CDKAL1: variants seen among roughly 807,000 people sequenced by gnomAD.
CDKAL1 encodes the protein CDKAL1 threonylcarbamoyladenosine tRNA methylthiotransferase.
Under a neutral mutation model 68.2 loss-of-function variants are expected in CDKAL1, and 32 were observed. That is an observed-to-expected ratio of 0.47 (90% CI 0.35 to 0.63). The LOEUF is 0.63. Among genes scored for constraint, CDKAL1 ranks in the 30% least tolerant of loss-of-function variants. The pLI is 0.00. For synonymous variants in CDKAL1, 234 were observed against 244.3 expected (o/e 0.96, Z 0.39); for missense variants, 606 against 696.7 (o/e 0.87, Z 1.47).
At chr6:21,140,911 A>T (rs951118968) in intron 13 of CDKAL1, among the ~76,000 whole-genome samples, 1 of 152,298 alleles carries the variant, frequency 6.6e-6, no homozygotes. Flanking sequence ...CACTTCTTAC[A>T]TGGCGGCGCC....
intron 13 of CDKAL1, among the ~76,000 whole-genome samples, chr6:21,115,259 G>A (rs987688758): frequency 1.3e-5 from 2 of 152,204 alleles, no homozygotes; most frequent in Non-Finnish European, 2.9e-5. Flanking sequence ...TCAATCCTGA[G>A]AGCCACGGTA....
intron 5 of CDKAL1, among the ~76,000 whole-genome samples, chr6:20,671,400 G>T (rs1473736432): frequency 1.3e-5 from 2 of 152,124 alleles, no homozygotes; most frequent in Admixed American, 6.5e-5. Context: ...TATGTCACAG[G>T]CATATTCTCC....
chr6:20,918,687 G>T (rs149770075), intron 9 of CDKAL1, among the ~76,000 whole-genome samples: 1 of 152,194 alleles, frequency 6.6e-6, no homozygotes, highest in Non-Finnish European at 1.5e-5. Context: ...TTTTAGGCTG[G>T]AGTTGATAAT....
At chr6:20,858,040 G>T (rs772778160) in intron 9 of CDKAL1, among the ~76,000 whole-genome samples, 24 of 152,102 alleles carry the variant, frequency 1.6e-4, no homozygotes, top group Non-Finnish European at 2.9e-4. Context: ...TATATTTTTA[G>T]TAGAGATGGG....
chr6:20,543,801 A>T (rs554198129), intron 2 of CDKAL1, among the ~76,000 whole-genome samples: 1 of 146,328 alleles, frequency 6.8e-6, no homozygotes, highest in Non-Finnish European at 1.5e-5. Flanking sequence ...CAGTGGTACA[A>T]TCTTGGCTTA....
intron 15 of CDKAL1, among the ~76,000 whole-genome samples, chr6:21,206,515 C>T (rs1778944250): frequency 6.6e-6 from 1 of 152,108 alleles, no homozygotes; most frequent in Non-Finnish European, 1.5e-5. Flanking sequence ...GAAGTCAGAA[C>T]TATTCTTTGC....
intron 11 of CDKAL1, among the ~76,000 whole-genome samples, chr6:21,046,757 C>T (rs2150904675): frequency 6.6e-6 from 1 of 152,372 alleles, no homozygotes; most frequent in South Asian, 2.1e-4. Flanking sequence ...CCTGCCACCT[C>T]CCTGCCACAG....
chr6:21,112,711 T>G (rs1774184282), intron 13 of CDKAL1, among the ~76,000 whole-genome samples: 1 of 152,368 alleles, frequency 6.6e-6, no homozygotes, highest in Admixed American at 6.5e-5. Context: ...TATGTATTTA[T>G]GCACTTGATA....
At chr6:20,824,709 C>T (rs1206013836) in intron 8 of CDKAL1, among the ~76,000 whole-genome samples, 1 of 152,138 alleles carries the variant, frequency 6.6e-6, no homozygotes, top group Non-Finnish European at 1.5e-5. Flanking sequence ...TTTTACCATA[C>T]TTAACTGGTT....
chr6:21,212,065 G>A (rs1779172289), intron 15 of CDKAL1, among the ~76,000 whole-genome samples: 2 of 152,158 alleles, frequency 1.3e-5, no homozygotes, highest in Non-Finnish European at 2.9e-5. Flanking sequence ...CTGGCTACAT[G>A]TGGGAAAGTT....
At chr6:20,666,858 C>T (rs1279003036) in intron 5 of CDKAL1, among the ~76,000 whole-genome samples, 2 of 152,058 alleles carry the variant, frequency 1.3e-5, no homozygotes, top group Admixed American at 6.6e-5. Context: ...TTTAGCTCTT[C>T]TAGTATCATC....
At chr6:20,973,568 A>G (rs1335924309) in intron 10 of CDKAL1, among the ~76,000 whole-genome samples, 1 of 152,194 alleles carries the variant, frequency 6.6e-6, no homozygotes, top group African/African-American at 2.4e-5. Flanking sequence ...CCATCCTGCC[A>G]GGTGATCCAA....
At chr6:20,827,036 A>T (rs1253308111) in intron 8 of CDKAL1, among the ~76,000 whole-genome samples, 1 of 152,204 alleles carries the variant, frequency 6.6e-6, no homozygotes, top group Non-Finnish European at 1.5e-5. Flanking sequence ...AAAACCAACA[A>T]TACTATGATC....
intron 15 of CDKAL1, among the ~76,000 whole-genome samples, chr6:21,204,737 A>T (rs1778829215): frequency 6.6e-6 from 1 of 152,226 alleles, no homozygotes; most frequent in Non-Finnish European, 1.5e-5. Context: ...GAGGGAAGCC[A>T]GGATTTATAT....
chr6:20,953,451 T>C (rs1764634297), intron 9 of CDKAL1, among the ~76,000 whole-genome samples: 1 of 152,226 alleles, frequency 6.6e-6, no homozygotes, highest in African/African-American at 2.4e-5. Context: ...CATATTGTGT[T>C]GCTCAAATGC....
chr6:20,875,514 A>G (rs1054006399), intron 9 of CDKAL1, among the ~76,000 whole-genome samples: 54 of 152,040 alleles, frequency 3.6e-4, no homozygotes, highest in Non-Finnish European at 1.2e-4. Context: ...ATAATATTTC[A>G]TGTTCACCAT....
At chr6:20,735,181 T>TA (rs1220087917) in intron 5 of CDKAL1, among the ~76,000 whole-genome samples, 2 of 152,166 alleles carry the variant, frequency 1.3e-5, no homozygotes, top group African/African-American at 4.8e-5. Context: ...TCTCTTTTTT[T>TA]AAAAAACTAA....
intron 8 of CDKAL1, among the ~76,000 whole-genome samples, chr6:20,835,981 A>G (rs1777923244): frequency 6.6e-6 from 1 of 152,040 alleles, no homozygotes; most frequent in Non-Finnish European, 1.5e-5. Context: ...ACTTTACATG[A>G]GCAACTACCC....
At chr6:20,856,420 A>G (rs1759341854) in intron 9 of CDKAL1, among the ~76,000 whole-genome samples, 1 of 152,232 alleles carries the variant, frequency 6.6e-6, no homozygotes, top group South Asian at 2.1e-4. Flanking sequence ...CTGCTGTTCC[A>G]GCACAATTGA....
Sources: gnomAD v4.1 joint callset for allele counts (sites outside exome capture counted in the v4.1 genomes callset) on GRCh38, gnomAD v4.1.1 for gene constraint, MANE v1.5 for transcripts, NCBI Gene and HGNC (gene_info 2026-07-23, HGNC 2026-07-21) for gene names.